PALLD: variants seen among roughly 807,000 people sequenced by gnomAD.
PALLD encodes palladin.
A neutral mutation model predicts 123.5 loss-of-function variants in PALLD; 61 were observed. The observed-to-expected ratio is 0.49, with a 90% CI of 0.40 to 0.61. The LOEUF is 0.61. Ranked by LOEUF, PALLD falls within the 20% of genes least tolerant of loss-of-function variation. PALLD has a pLI of 0.00. For missense variants in PALLD, 1,273 were observed against 1,377.0 expected, an observed-to-expected ratio of 0.92 and a Z score of 1.20; for synonymous variants, 465 against 496.4, an observed-to-expected ratio of 0.94 and a Z score of 0.84.
At chr4:168,607,217 G>A (rs1036543064) in intron 2 of PALLD, among the ~76,000 whole-genome samples, 20 of 152,140 alleles carry the variant, frequency 1.3e-4, no homozygotes, top group South Asian at 1.3e-3. Context: ...TCATATCTGC[G>A]GAAATAAATT....
chr4:168,536,388 G>A (rs1317585646), intron 2 of PALLD, among the ~76,000 whole-genome samples: 2 of 152,158 alleles, frequency 1.3e-5, no homozygotes, highest in Non-Finnish European at 2.9e-5. Context: ...TTGCCCTCCT[G>A]CATTATTACC....
At chr4:168,693,816 T>C (rs991355451) in intron 8 of PALLD, among the ~76,000 whole-genome samples, 5 of 152,228 alleles carry the variant, frequency 3.3e-5, no homozygotes, top group Admixed American at 6.5e-5. Flanking sequence ...GTTAAAATGC[T>C]GTGCTTCAGG....
At chr4:168,903,428 C>A (rs1194885023) in intron 14 of PALLD, among the ~76,000 whole-genome samples, 1 of 152,076 alleles carries the variant, frequency 6.6e-6, no homozygotes, top group Admixed American at 6.5e-5. Context: ...GAAATAATGG[C>A]ATTCTATGAA....
chr4:168,656,798 T>C (rs573494784), intron 2 of PALLD, among the ~76,000 whole-genome samples: 2 of 152,326 alleles, frequency 1.3e-5, no homozygotes, highest in African/African-American at 4.8e-5. Flanking sequence ...CGGTCAAGGA[T>C]ACGTGAGAGA....
At chr4:168,516,162 T>C (rs1467212998) in intron 2 of PALLD, among the ~76,000 whole-genome samples, 1 of 152,154 alleles carries the variant, frequency 6.6e-6, no homozygotes, top group Non-Finnish European at 1.5e-5. Flanking sequence ...ACCCTATGCA[T>C]AAAAAAGGAC....
At chr4:168,830,000 G>A in intron 10 of PALLD, among the ~76,000 whole-genome samples, 1 of 152,186 alleles carries the variant, frequency 6.6e-6, no homozygotes, top group African/African-American at 2.4e-5. Flanking sequence ...GGGAGGCCAA[G>A]GCAGGCGGAT....
chr4:168,806,422 A>G (rs986025437), intron 10 of PALLD, among the ~76,000 whole-genome samples: 8 of 151,474 alleles, frequency 5.3e-5, no homozygotes, highest in South Asian at 2.1e-4. Flanking sequence ...TCTCTCTCCA[A>G]CTCCACCAAG....
chr4:168,638,339 C>T (rs1055849346), intron 2 of PALLD, among the ~76,000 whole-genome samples: 6 of 152,156 alleles, frequency 3.9e-5, no homozygotes, highest in African/African-American at 1.4e-4. Context: ...GCTCTCAGAC[C>T]TTCAGGGCTC....
chr4:168,600,030 C>CATACATGTGTGTACACACAT (rs1554048292), intron 2 of PALLD, among the ~76,000 whole-genome samples: 2 of 144,824 alleles, frequency 1.4e-5, no homozygotes, highest in East Asian at 2.0e-4. Flanking sequence ...TGTACACACA[C>CATACATGTGTGTACACACAT]ATACATACAT....
intron 10 of PALLD, among the ~76,000 whole-genome samples, chr4:168,761,646 T>TTTTTTG: frequency 5.5e-5 from 1 of 18,212 alleles, no homozygotes; most frequent in Non-Finnish European, 1.1e-4. Flanking sequence ...TTGTTGTTTG[T>TTTTTTG]TTTTTTTTTT....
At chr4:168,729,910 T>TA (rs1202765015) in intron 10 of PALLD, among the ~76,000 whole-genome samples, 1 of 152,204 alleles carries the variant, frequency 6.6e-6, no homozygotes, top group Non-Finnish European at 1.5e-5. Flanking sequence ...TTCCTAGAGT[T>TA]ACTGTAGCAA....
intron 10 of PALLD, among the ~76,000 whole-genome samples, chr4:168,889,508 G>A: frequency 6.6e-6 from 1 of 151,934 alleles, no homozygotes; most frequent in East Asian, 1.9e-4. Context: ...CATGAACTAT[G>A]TAATATAAAT....
intron 10 of PALLD, among the ~76,000 whole-genome samples, chr4:168,833,170 G>T (rs1199435456): frequency 1.3e-5 from 2 of 152,160 alleles, no homozygotes; most frequent in Non-Finnish European, 2.9e-5. Context: ...CTAGAAAGGG[G>T]TTTGGTCGCT....
chr4:168,601,676 A>T (rs1287874696), intron 2 of PALLD, among the ~76,000 whole-genome samples: 1 of 152,230 alleles, frequency 6.6e-6, no homozygotes, highest in East Asian at 1.9e-4. Flanking sequence ...CTTAAATAAC[A>T]GAAGTTGAAT....
At chr4:168,875,167 AAG>A (rs1751578195) in intron 10 of PALLD, among the ~76,000 whole-genome samples, 1 of 152,064 alleles carries the variant, frequency 6.6e-6, no homozygotes, top group African/African-American at 2.4e-5. Context: ...TATTTCCAAA[AAG>A]TTCAGTTTCA....
intron 1 of PALLD, among the ~76,000 whole-genome samples, chr4:168,508,659 T>A (rs1023542529): frequency 5.3e-5 from 8 of 152,050 alleles, no homozygotes; most frequent in African/African-American, 1.9e-4. Flanking sequence ...AATAAATAAA[T>A]AAATAACAAA....
chr4:168,591,623 A>G (rs1317615105), intron 2 of PALLD, among the ~76,000 whole-genome samples: 1 of 152,208 alleles, frequency 6.6e-6, no homozygotes, highest in African/African-American at 2.4e-5. Context: ...AACTCACTCA[A>G]TAACATCAAC....
chr4:168,671,950 C>T (rs1305253312), intron 3 of PALLD, among the ~76,000 whole-genome samples: 6 of 152,086 alleles, frequency 3.9e-5, no homozygotes, highest in Admixed American at 3.9e-4. Flanking sequence ...TTCCACTGTC[C>T]CATGCGTCAA....
At chr4:168,825,240 T>C (rs2150816534) in intron 10 of PALLD, among the ~76,000 whole-genome samples, 1 of 152,352 alleles carries the variant, frequency 6.6e-6, no homozygotes, top group African/African-American at 2.4e-5. Context: ...GAAAGTTTAA[T>C]TGGAATATTT....
Sources: gnomAD v4.1 joint callset for allele counts (sites outside exome capture counted in the v4.1 genomes callset) on GRCh38, gnomAD v4.1.1 for gene constraint, MANE v1.5 for transcripts, NCBI Gene and HGNC (gene_info 2026-07-23, HGNC 2026-07-21) for gene names.